The following XIRP2 variants were observed in gnomAD, a reference collection of about 807,000 sequenced individuals.
XIRP2 encodes xin actin binding repeat containing 2.
Under a neutral mutation model 277.0 loss-of-function variants are expected in XIRP2, and 236 were observed. That is an observed-to-expected ratio of 0.85 (90% confidence interval 0.77 to 0.95). The LOEUF (loss-of-function observed/expected upper bound fraction) is 0.95, where lower values mean the gene tolerates loss of function less well. XIRP2 is among the 40% of genes least tolerant of loss of function. The probability of loss-of-function intolerance (pLI) is 0.00; values close to 1 mark genes in which losing one functional copy is unlikely to be tolerated. For missense variants in XIRP2, 4,640 were observed against 4,157.5 expected (o/e 1.12, Z -3.19); for synonymous variants, 1,490 against 1,416.5 (o/e 1.05, Z -1.17).
At chr2:167,126,177 T>G (rs1346869050) in intron 2 of XIRP2, among the ~76,000 whole-genome samples, 8 of 128,186 alleles carry the variant, frequency 6.2e-5, no homozygotes, top group South Asian at 2.7e-4. Context: ...CCTTGTGCGC[T>G]CTCTCTCTCT....
chr2:167,118,010 A>C (rs114512715), intron 2 of XIRP2, among the ~76,000 whole-genome samples: 1 of 152,344 alleles, frequency 6.6e-6, no homozygotes, highest in African/African-American at 2.4e-5. Context: ...TGTATACATA[A>C]AATTTAGAAA....
intron 5 of XIRP2, among the ~76,000 whole-genome samples, chr2:167,225,966 C>T (rs182774546): frequency 2.5e-4 from 38 of 152,234 alleles, no homozygotes; most frequent in Middle Eastern, 3.4e-3. Context: ...AGCAAAATAG[C>T]CTCAACCATT....
intron 2 of XIRP2, among the ~76,000 whole-genome samples, chr2:167,039,594 C>G (rs1688608555): frequency 6.6e-6 from 1 of 151,826 alleles, no homozygotes; most frequent in East Asian, 1.9e-4. Context: ...TACACAATCT[C>G]ACACACACAC....
rs1695768717 is a variant in XIRP2 at position 167,259,201 on chromosome 2, TG to T, written c.*1385del. ...GAAAGGATGTTAAACCTTGGCATGT[TG>T]AAACAACAGAAGCTGCCCGCAATAA... On this transcript the variant is annotated 3_prime_UTR_variant, in exon 11 of 11. Coordinates refer to ENST00000409195, the MANE Select transcript of XIRP2 (RefSeq NM_152381.6). 3 of 1,613,374 alleles carry T rather than the reference TG, an allele frequency of 1.9e-6. No homozygotes were observed. Among genetic ancestry groups the T allele is most frequent in the Non-Finnish European group, 2.5e-6 (3 of 1,179,674 alleles).
intron 2 of XIRP2, among the ~76,000 whole-genome samples, chr2:167,013,832 G>A (rs2105474603): frequency 6.6e-6 from 1 of 151,112 alleles, no homozygotes. Context: ...TTTCATGTAG[G>A]TCCAAGGTTT....
chr2:167,254,233 C>G (rs891284995), intron 10 of XIRP2, 68 bp downstream of exon 10: 5 of 1,411,858 alleles, frequency 3.5e-6, no homozygotes, highest in Non-Finnish European at 2.8e-6. Context: ...CCTCATATCT[C>G]TAGGAGGATG....
intron 2 of XIRP2, among the ~76,000 whole-genome samples, chr2:166,936,309 T>G (rs1413515340): frequency 1.3e-5 from 2 of 152,216 alleles, no homozygotes; most frequent in African/African-American, 4.8e-5. Context: ...ATTCTGGATA[T>G]TAGCCCTTTG....
chr2:166,921,769 C>T (rs1685046991), intron 2 of XIRP2, among the ~76,000 whole-genome samples: 1 of 152,064 alleles, frequency 6.6e-6, no homozygotes, highest in Admixed American at 6.6e-5. Flanking sequence ...ATTATTTGTG[C>T]TGGGCTTCAA....
intron 2 of XIRP2, among the ~76,000 whole-genome samples, chr2:166,983,818 T>C (rs1238843523): frequency 2.0e-5 from 3 of 152,202 alleles, no homozygotes; most frequent in Non-Finnish European, 4.4e-5. Context: ...ATGACTATGA[T>C]TTATTGTTAT....
Position 167,241,771 on chromosome 2 carries a change from T to C in XIRP2, c.1043-6T>C. ...TAGTAACCCTGGTGTGTTTTTCTGT[T>C]TGTAGTCATTGATACACCTGAGGAT... On this transcript the variant is annotated splice_polypyrimidine_tract_variant and splice_region_variant and intron_variant, in intron 7 of 10. Coordinates refer to ENST00000409195, the MANE Select transcript of XIRP2 (RefSeq NM_152381.6). 6.3e-7 allele frequency: 1 copy of C among 1,599,514 alleles called. No homozygotes were observed.
At chr2:167,088,151 A>G (rs1033637530) in intron 2 of XIRP2, among the ~76,000 whole-genome samples, 4 of 152,158 alleles carry the variant, frequency 2.6e-5, no homozygotes, top group Admixed American at 1.3e-4. Flanking sequence ...AGTATCAAAA[A>G]TTATAAATTA....
intron 2 of XIRP2, among the ~76,000 whole-genome samples, chr2:167,126,531 G>A (rs1461972872): frequency 6.6e-6 from 1 of 152,144 alleles, no homozygotes; most frequent in African/African-American, 2.4e-5. Context: ...GGCATGATTT[G>A]TCCTTATTTT....
chr2:167,165,938 A>G (rs1369555293), intron 3 of XIRP2, among the ~76,000 whole-genome samples: 1 of 152,142 alleles, frequency 6.6e-6, no homozygotes, highest in Non-Finnish European at 1.5e-5. Flanking sequence ...ATTTTGTATT[A>G]TCTTACCTTC....
chr2:167,245,555 G>A lies in XIRP2; in HGVS notation c.4163G>A (p.Arg1388Lys). 6.2e-7 allele frequency: 1 copy of A among 1,613,610 alleles called. No homozygotes were observed. The highest frequency in any genetic ancestry group is 2.2e-5 in the East Asian group (1 of 44,832). Residue 1388 changes from arginine to lysine, a missense_variant, in exon 9 of 11, where the codon AGA (arginine) becomes AAA (lysine). Physicochemically the swap from Arg to Lys is conservative, Grantham distance 26 (BLOSUM62 2). Transcript: ENST00000409195. ...CAGAAGGGAGATGTTAGTTCTGTCA[G>A]ATACAGATTTGAAACTCAGCCACTG... ...DIQKGDVSSV[R>K]YRFETQPLDQ...
intron 4 of XIRP2, among the ~76,000 whole-genome samples, chr2:167,214,259 A>AGGAAGGAAGG (rs1259203622): frequency 1.1e-5 from 1 of 90,138 alleles, no homozygotes; most frequent in African/African-American, 5.5e-5. Flanking sequence ...GAAGGAAGGA[A>AGGAAGGAAGG]AGAGAGAGAG....
At chr2:167,214,844 G>A (rs958540669) in intron 4 of XIRP2, among the ~76,000 whole-genome samples, 4 of 152,144 alleles carry the variant, frequency 2.6e-5, no homozygotes, top group African/African-American at 9.7e-5. Context: ...TAGGATTACA[G>A]GCATGAGACA....
intron 2 of XIRP2, among the ~76,000 whole-genome samples, chr2:167,046,138 AT>A (rs1688782437): frequency 6.6e-6 from 1 of 152,044 alleles, no homozygotes; most frequent in African/African-American, 2.4e-5. Context: ...ATGGAATTAC[AT>A]TCTTGATGTA....
chr2:167,145,818 CA>C, intron 3 of XIRP2, among the ~76,000 whole-genome samples: 1 of 152,098 alleles, frequency 6.6e-6, no homozygotes, highest in Non-Finnish European at 1.5e-5. Flanking sequence ...AGGAATAAGT[CA>C]AATCACCTTC....
intron 2 of XIRP2, among the ~76,000 whole-genome samples, chr2:167,077,897 G>T (rs563539782): frequency 6.6e-6 from 1 of 152,226 alleles, no homozygotes; most frequent in Admixed American, 6.5e-5. Flanking sequence ...ATAGTTCGAC[G>T]TTGGGTAATA....
Sources: gnomAD v4.1 joint callset for allele counts (sites outside exome capture counted in the v4.1 genomes callset) on GRCh38, gnomAD v4.1.1 for gene constraint, MANE v1.5 for transcripts, NCBI Gene and HGNC (gene_info 2026-07-23, HGNC 2026-07-21) for gene names.